Variants in IPO11 observed in about 807,000 individuals in gnomAD.
IPO11 encodes importin-11.
Under a neutral mutation model 143.2 loss-of-function variants are expected in IPO11, and 66 were observed. The observed-to-expected ratio is 0.46, with a 90% CI of 0.38 to 0.57. The LOEUF (loss-of-function observed/expected upper bound fraction) is 0.57. IPO11 is among the 20% of genes least tolerant of loss of function. IPO11 has a pLI of 0.00. For missense variants in IPO11, 1,026 were observed against 1,141.0 expected (o/e 0.90, Z 1.45); for synonymous variants, 385 against 377.8 (o/e 1.02, Z -0.22).
At chr5:62,435,110 G>GATATATGTA (rs1744139779) in intron 1 of IPO11, among the ~76,000 whole-genome samples, 17 of 65,420 alleles carry the variant, frequency 2.6e-4, no homozygotes, top group Non-Finnish European at 4.8e-4. Flanking sequence ...GTATATATAT[G>GATATATGTA]TATATATGTA....
chr5:62,591,212 T>C (rs962441831), intron 27 of IPO11, among the ~76,000 whole-genome samples: 43 of 152,226 alleles, frequency 2.8e-4, no homozygotes, highest in Non-Finnish European at 4.6e-4. Flanking sequence ...TTCCAGAATT[T>C]GGCATGTCTT....
intron 27 of IPO11, among the ~76,000 whole-genome samples, chr5:62,573,692 G>A (rs184187320): frequency 1.1e-3 from 168 of 152,246 alleles, no homozygotes; most frequent in African/African-American, 3.7e-3. Context: ...TAGCAATTTG[G>A]GTGCCAAGAA....
chr5:62,529,206 CTT>C (rs1172225686), intron 21 of IPO11, among the ~76,000 whole-genome samples: 2 of 151,850 alleles, frequency 1.3e-5, no homozygotes, highest in Admixed American at 1.3e-4. Flanking sequence ...GAACAAAAGA[CTT>C]TGTATAGTTT....
At chr5:62,591,161 A>G (rs1744996144) in intron 27 of IPO11, among the ~76,000 whole-genome samples, 1 of 152,136 alleles carries the variant, frequency 6.6e-6, no homozygotes, top group African/African-American at 2.4e-5. Context: ...TACATCCTAG[A>G]TTCAAGTCCA....
At chr5:62,447,008 TC>T (rs2112152857) in intron 3 of IPO11, among the ~76,000 whole-genome samples, 1 of 152,272 alleles carries the variant, frequency 6.6e-6, no homozygotes, top group African/African-American at 2.4e-5. Context: ...CCTTTCACTT[TC>T]TTCATGATGT....
chr5:62,529,481 T>C (rs1335877865), intron 21 of IPO11, among the ~76,000 whole-genome samples: 1 of 152,172 alleles, frequency 6.6e-6, no homozygotes, highest in Admixed American at 6.5e-5. Flanking sequence ...TTTTATCTAA[T>C]TTTATTTTTT....
chr5:62,619,161 G>A (rs1019875211), intron 29 of IPO11, among the ~76,000 whole-genome samples: 7 of 152,070 alleles, frequency 4.6e-5, no homozygotes, highest in African/African-American at 1.4e-4. Flanking sequence ...CCCAGGAGGC[G>A]GAGGCTGTAG....
chr5:62,582,669 C>A (rs1228059439), intron 27 of IPO11, among the ~76,000 whole-genome samples: 1 of 152,076 alleles, frequency 6.6e-6, no homozygotes, highest in East Asian at 1.9e-4. Context: ...AAGAATAAGA[C>A]CTTGTAGAAG....
At chr5:62,470,509 C>T (rs540881975) in intron 7 of IPO11, among the ~76,000 whole-genome samples, 156 of 152,080 alleles carry the variant, frequency 1.0e-3, no homozygotes, top group African/African-American at 3.6e-3. Flanking sequence ...AGGAAATAGG[C>T]CTAGGATATT....
At chr5:62,535,917 G>A (rs550043704) in intron 22 of IPO11, among the ~76,000 whole-genome samples, 26 of 152,202 alleles carry the variant, frequency 1.7e-4, no homozygotes, top group African/African-American at 4.1e-4. Context: ...AATTTTACAC[G>A]TACAGCCTGT....
chr5:62,624,580 T>C (rs1256831276), intron 29 of IPO11, among the ~76,000 whole-genome samples: 1 of 152,216 alleles, frequency 6.6e-6, no homozygotes, highest in Non-Finnish European at 1.5e-5. Flanking sequence ...TAGGTCTTTA[T>C]GACCTGTATC....
In IPO11 at chr5:62,595,185, T is replaced by C. The variant is rs142956815; in HGVS notation, c.2678+3513T>C. Among the ~76,000 whole-genome samples, 7 of 152,296 alleles carry C rather than the reference T, an allele frequency of 4.6e-5. No individual in the cohort carries two copies. In the East Asian group the frequency reaches 9.6e-4, roughly 21 times the overall value. ...GAATCTGCATTGCAAACAGGAACTG[T>C]GATGTTTCATATACACTGTAAATGA... On this transcript the variant is annotated intron_variant, in intron 28 of 29. Transcript: ENST00000325324.
chr5:62,555,202 C>T (rs562255575), intron 26 of IPO11, among the ~76,000 whole-genome samples: 1 of 150,112 alleles, frequency 6.7e-6, no homozygotes, highest in South Asian at 2.1e-4. Context: ...GGTAGTATGG[C>T]CATTTTAATA....
At chr5:62,484,594 AT>A (rs1746330529) in intron 11 of IPO11, among the ~76,000 whole-genome samples, 1 of 149,068 alleles carries the variant, frequency 6.7e-6, no homozygotes, top group Non-Finnish European at 1.5e-5. Context: ...ATCTGTTTGA[AT>A]TTTAGTACTA....
At chr5:62,592,734 A>G (rs1745071375) in intron 28 of IPO11, among the ~76,000 whole-genome samples, 1 of 152,130 alleles carries the variant, frequency 6.6e-6, no homozygotes, top group African/African-American at 2.4e-5. Context: ...ACGTGGCGGC[A>G]GGAAGGAGAA....
intron 19 of IPO11, among the ~76,000 whole-genome samples, chr5:62,514,012 C>G (rs1384945460): frequency 6.6e-6 from 1 of 151,204 alleles, no homozygotes; most frequent in Non-Finnish European, 1.5e-5. Flanking sequence ...GGCAGAGACG[C>G]TCCTCACTTC....
chr5:62,626,993 A>G (rs1746605828), intron 29 of IPO11, among the ~76,000 whole-genome samples, 161 bp from the exon 30 acceptor site: 2 of 152,212 alleles, frequency 1.3e-5, no homozygotes, highest in South Asian at 4.1e-4. Flanking sequence ...ATTTTCTTTG[A>G]CAGATTTTTC....
At chr5:62,440,284 A>G (rs1385929787) in intron 2 of IPO11, among the ~76,000 whole-genome samples, 2 of 151,730 alleles carry the variant, frequency 1.3e-5, no homozygotes. Context: ...TATATTTGTA[A>G]TCTTTTTTCT....
intron 4 of IPO11, 100 bp downstream of exon 4, chr5:62,450,099 T>C: frequency 1.6e-6 from 1 of 643,666 alleles, no homozygotes; most frequent in South Asian, 2.8e-5. Context: ...AATATCACTA[T>C]TACACTATTT....
Sources: gnomAD v4.1 joint callset for allele counts (sites outside exome capture counted in the v4.1 genomes callset) on GRCh38, gnomAD v4.1.1 for gene constraint, MANE v1.5 for transcripts, NCBI Gene and HGNC (gene_info 2026-07-23, HGNC 2026-07-21) for gene names.